The following C1orf94 variants were observed in gnomAD, a reference collection of about 807,000 sequenced individuals.
The protein encoded by C1orf94 is uncharacterized protein C1orf94.
C1orf94 carries 45 observed loss-of-function variants against 53.6 expected under a neutral mutation model. That is an observed-to-expected ratio of 0.84 (90% CI 0.66 to 1.08). The LOEUF (loss-of-function observed/expected upper bound fraction) is 1.08, where lower values mean the gene tolerates loss of function less well. Ranked by LOEUF, C1orf94 falls within the 50% of genes least tolerant of loss-of-function variation. The probability of loss-of-function intolerance (pLI) is 0.00; values close to 1 mark genes in which losing one functional copy is unlikely to be tolerated. For missense variants in C1orf94, 762 were observed against 738.9 expected, an observed-to-expected ratio of 1.03 and a Z score of -0.36; for synonymous variants, 304 against 296.1, an observed-to-expected ratio of 1.03 and a Z score of -0.27.
intron 1 of C1orf94, among the ~76,000 whole-genome samples, chr1:34,169,310 C>G (rs557440844): frequency 9.9e-5 from 15 of 152,012 alleles, no homozygotes; most frequent in Non-Finnish European, 2.1e-4. Context: ...TGGGTCTCAG[C>G]CCAGCCCCAA....
chr1:34,216,665 AAGG>A (rs2148624806), intron 6 of C1orf94, among the ~76,000 whole-genome samples: 1 of 152,326 alleles, frequency 6.6e-6, no homozygotes, highest in Admixed American at 6.5e-5. Context: ...GTCCTCAGGG[AAGG>A]AGAAGTAGAG....
Position 34,218,887 on chromosome 1 carries a change from C to A in C1orf94, c.*126C>A. 1 of 681,376 alleles carries A rather than the reference C, an allele frequency of 1.5e-6. No homozygotes were observed. The highest frequency in any genetic ancestry group is 2.3e-6 in the Non-Finnish European group (1 of 433,226). The allele number at this position is 681,376 out of a possible 1,614,324, so 42.2% of individuals were successfully genotyped here. A position where few individuals can be genotyped will look rare whatever the true frequency, so the allele number is the denominator to read the frequency against. Reference sequence around the variant, plus strand: ...GGTTCTGACCAGGTCACAGACAAAACAGCAAGACCAGATTCATCTATTGGC... The same window carrying A: ...GGTTCTGACCAGGTCACAGACAAAAAAGCAAGACCAGATTCATCTATTGGC... On this transcript the variant is annotated 3_prime_UTR_variant, in exon 7 of 7. Coordinates refer to ENST00000488417, the MANE Select transcript of C1orf94 (RefSeq NM_001134734.2).
intron 5 of C1orf94, among the ~76,000 whole-genome samples, chr1:34,209,919 A>T (rs528424161): frequency 5.9e-5 from 9 of 152,306 alleles, no homozygotes; most frequent in Admixed American, 1.3e-4. Context: ...ATGGTAAAAA[A>T]TTTTAAAACT....
At chr1:34,196,616 T>A (rs1642587824) in intron 1 of C1orf94, among the ~76,000 whole-genome samples, 1 of 152,206 alleles carries the variant, frequency 6.6e-6, no homozygotes, top group Admixed American at 6.5e-5. Context: ...GCTTTGCACC[T>A]CTATGATACT....
upstream of C1orf94, among the ~76,000 whole-genome samples, chr1:34,174,621 T>C (rs61769842): frequency 0.2 from 30,311 of 152,070 alleles, 3,256 homozygotes; most frequent in South Asian, 0.26. Flanking sequence ...GGGAAGACCA[T>C]GTGAGGACAT....
At chr1:34,168,100 G>A (rs1642078151) in intron 1 of C1orf94, among the ~76,000 whole-genome samples, 1 of 152,090 alleles carries the variant, frequency 6.6e-6, no homozygotes, top group South Asian at 2.1e-4. Context: ...GTGCTTTAAG[G>A]AGATGGTCTG....
intron 2 of C1orf94, 98 bp downstream of exon 2, chr1:34,198,011 T>A (rs71647966): frequency 3.1e-6 from 4 of 1,273,012 alleles, no homozygotes; most frequent in Admixed American, 2.6e-5. Context: ...AGCATCTTCA[T>A]GCAAAGCAAG....
chr1:34,177,684 C>T lies in C1orf94; in HGVS notation c.-106C>T. On this transcript the variant is annotated 5_prime_UTR_variant, in exon 1 of 7. Transcript: ENST00000488417. ...AGAAAGCTGTCCTCCACCCACCCCTCCCACACAAATAGAAGGCCTCTGAAC... is the reference window on the plus strand; with the variant it reads ...AGAAAGCTGTCCTCCACCCACCCCTTCCACACAAATAGAAGGCCTCTGAAC... 2.0e-6 allele frequency: 2 copies of T among 1,016,656 alleles called. No individual in the cohort carries two copies. Among genetic ancestry groups the T allele is most frequent in the South Asian group, 1.8e-5 (1 of 54,674 alleles). 63.0% of individuals were successfully genotyped at this position (1,016,656 alleles called of 1,614,324 possible).
At chr1:34,180,237 T>C (rs1273845062) in intron 1 of C1orf94, among the ~76,000 whole-genome samples, 1 of 152,262 alleles carries the variant, frequency 6.6e-6, no homozygotes, top group African/African-American at 2.4e-5. Context: ...ATAATTCAGA[T>C]TTGTAAAAAT....
chr1:34,169,456 G>A (rs902663519), intron 1 of C1orf94, among the ~76,000 whole-genome samples: 1 of 152,160 alleles, frequency 6.6e-6, no homozygotes, highest in East Asian at 1.9e-4. Flanking sequence ...CTAATATCCA[G>A]ATAAAATCAG....
At chr1:34,201,375 G>C (rs374140584) in intron 3 of C1orf94, among the ~76,000 whole-genome samples, 1 of 152,080 alleles carries the variant, frequency 6.6e-6, no homozygotes, top group African/African-American at 2.4e-5. Flanking sequence ...TTATGTTCCC[G>C]CTTTCTTTTC....
upstream of C1orf94, among the ~76,000 whole-genome samples, chr1:34,176,063 T>C (rs550036820): frequency 1.1e-4 from 17 of 152,176 alleles, no homozygotes; most frequent in Admixed American, 5.9e-4. Context: ...GCAGGGACCA[T>C]GCCATTTTTG....
At chr1:34,178,384 TC>T (rs1299271205) in intron 1 of C1orf94, among the ~76,000 whole-genome samples, 18 of 152,112 alleles carry the variant, frequency 1.2e-4, no homozygotes, top group Non-Finnish European at 2.5e-4. Flanking sequence ...GAATCTGAGG[TC>T]CTTGAAAAAC....
intron 6 of C1orf94, among the ~76,000 whole-genome samples, chr1:34,214,698 G>T (rs758406351): frequency 4.6e-5 from 7 of 152,328 alleles, no homozygotes; most frequent in Non-Finnish European, 1.0e-4. Flanking sequence ...AGACCAGAAG[G>T]TTGAGACTTG....
intron 1 of C1orf94, among the ~76,000 whole-genome samples, chr1:34,180,001 T>C (rs951289099): frequency 6.6e-6 from 1 of 152,216 alleles, no homozygotes; most frequent in Non-Finnish European, 1.5e-5. Context: ...ATCCTAATTG[T>C]CAACCAAATA....
chr1:34,200,392 G>A (rs549444370), intron 2 of C1orf94, among the ~76,000 whole-genome samples: 27 of 152,256 alleles, frequency 1.8e-4, no homozygotes, highest in Admixed American at 9.2e-4. Flanking sequence ...TCGAATAAAG[G>A]AATGATGGAA....
chr1:34,187,424 C>T (rs1031032237), intron 1 of C1orf94, among the ~76,000 whole-genome samples: 8 of 152,240 alleles, frequency 5.3e-5, no homozygotes, highest in South Asian at 2.1e-4. Context: ...TCATGATTAA[C>T]GTCCCACTTC....
chr1:34,201,815 G>C (rs1020962550), intron 3 of C1orf94, among the ~76,000 whole-genome samples: 2 of 152,170 alleles, frequency 1.3e-5, no homozygotes, highest in African/African-American at 4.8e-5. Context: ...GTATTCCCTT[G>C]CTAAATTGCC....
chr1:34,206,084 C>G (rs60798547), intron 4 of C1orf94, among the ~76,000 whole-genome samples: 5,525 of 152,238 alleles, frequency 0.036, 313 homozygotes, highest in African/African-American at 0.12. Flanking sequence ...GACTGAGCAG[C>G]GGTGGGCAGC....
Sources: allele counts gnomAD v4.1 joint callset (sites outside exome capture counted in the v4.1 genomes callset), GRCh38; gene constraint gnomAD v4.1.1; transcripts MANE v1.5; gene names NCBI Gene and HGNC (gene_info 2026-07-23, HGNC 2026-07-21).